Variants in VPS29 observed in about 807,000 individuals in gnomAD.
VPS29 encodes VPS29 retromer complex component.
In VPS29, 2 loss-of-function variants were observed where a neutral mutation model predicts 20.0. That is an observed-to-expected ratio of 0.10 (90% CI 0.04 to 0.31). The LOEUF is 0.31. VPS29 is among the 10% of genes least tolerant of loss of function. The pLI is 1.00. For synonymous variants in VPS29, 81 were observed against 79.3 expected (o/e 1.02, Z -0.12); for missense variants, 120 against 215.3 (o/e 0.56, Z 2.77).
chr12:110,498,976 A>C, intron 1 of VPS29: 1 of 319,784 alleles, frequency 3.1e-6, no homozygotes, highest in Non-Finnish European at 4.5e-6. Context: ...CCACCACCCC[A>C]AACTCATAAA....
At chr12:110,494,674 G>A (rs1565859982) in intron 2 of VPS29, among the ~76,000 whole-genome samples, 2 of 152,096 alleles carry the variant, frequency 1.3e-5, no homozygotes, top group Non-Finnish European at 2.9e-5. Flanking sequence ...GAAAGGGGAA[G>A]TGATCTGCCA....
chr12:110,500,549 T>C (rs1180572992), intron 1 of VPS29, among the ~76,000 whole-genome samples: 2 of 152,218 alleles, frequency 1.3e-5, no homozygotes, highest in Non-Finnish European at 2.9e-5. Flanking sequence ...CATAAATCTC[T>C]GGCTGCCATG....
At position 110,496,149 on chromosome 12, in the gene VPS29, C is replaced by T; in HGVS notation, c.58G>A (p.Ala20Thr). Residue 20 changes from alanine to threonine, a missense_variant, in exon 2 of 4, where the codon GCT (alanine) becomes ACT (threonine). Physicochemically the swap from Ala to Thr is moderately conservative, Grantham distance 58. Transcript: ENST00000549578. Reference sequence around the variant, plus strand: ...GGCACCAGGAGTTTTTTGAATTTAGCTGGCAAACTGTTGCACCGGTGTGGG... The same window carrying T: ...GGCACCAGGAGTTTTTTGAATTTAGTTGGCAAACTGTTGCACCGGTGTGGG... ...HIPHRCNSLP[A>T]KFKKLLVPGK... is the part of the protein sequence containing the mutation. 6.2e-7 allele frequency: 1 copy of T among 1,614,020 alleles called. No individual in the cohort carries two copies. The highest frequency in any genetic ancestry group is 8.5e-7 in the Non-Finnish European group (1 of 1,179,924).
intron 2 of VPS29, among the ~76,000 whole-genome samples, 155 bp from the exon 3 acceptor site, chr12:110,493,386 G>T (rs868316486): frequency 1.5e-4 from 23 of 149,064 alleles, no homozygotes; most frequent in Middle Eastern, 3.4e-3. Flanking sequence ...TTGAGACAGA[G>T]TGTTGCTATG....
chr12:110,501,390 A>G, intron 1 of VPS29: 2 of 1,535,206 alleles, frequency 1.3e-6, no homozygotes, highest in Non-Finnish European at 1.7e-6. Flanking sequence ...AGTTTCAATG[A>G]GTTCACACAT....
chr12:110,498,922 A>G, intron 1 of VPS29: 1 of 727,244 alleles, frequency 1.4e-6, no homozygotes, highest in Non-Finnish European at 1.7e-6. Context: ...GGTAAAAATA[A>G]TAGATTTCTA....
rs987290726 is a variant in VPS29, at chr12:110,495,899, A to AG, written c.195+112dup. On this transcript the variant is annotated intron_variant, in intron 2 of 3. Transcript: ENST00000549578. ...GTAATTTTACATTTGGAAAAGAAAAAGGGAAAAAAAAAAAAACCTTACCAG... is the reference window on the plus strand; with the variant it reads ...GTAATTTTACATTTGGAAAAGAAAAAGGGGAAAAAAAAAAAAACCTTACCAG... 37 of 987,192 alleles carry AG rather than the reference A, an allele frequency of 3.7e-5. No homozygotes were observed. In the African/African-American group the frequency reaches 4.1e-4, roughly 11 times the overall value. The allele number at this position is 987,192 out of a possible 1,614,324, so 61.2% of individuals were successfully genotyped here. A position where few individuals can be genotyped will look rare whatever the true frequency, so the allele number is the denominator to read the frequency against.
At position 110,496,132 on chromosome 12, in the gene VPS29, G is replaced by A. The variant is rs1213617359; in HGVS notation, c.75C>T (p.Leu25=). The A allele has an allele frequency of 1.9e-6, 3 of 1,613,916 alleles. No homozygotes were observed. The Admixed American group carries it at 5.0e-5, about 27-fold the overall frequency. Residue 25 remains leucine (L), a synonymous_variant, in exon 2 of 4, where the codon CTC becomes CTT. Transcript: ENST00000549578. The part of the protein sequence containing the change: ...CNSLPAKFKK[L]LVPGKIQHIL... Reference sequence around the variant, plus strand: ...TGTGCTGAATTTTTCCTGGCACCAGGAGTTTTTTGAATTTAGCTGGCAAAC... The same window carrying A: ...TGTGCTGAATTTTTCCTGGCACCAGAAGTTTTTTGAATTTAGCTGGCAAAC...
chr12:110,497,207 C>CTTTTTTTT (rs71083128), intron 1 of VPS29, among the ~76,000 whole-genome samples: 11 of 77,214 alleles, frequency 1.4e-4, no homozygotes, highest in East Asian at 4.3e-4. Flanking sequence ...AAATTTCTTT[C>CTTTTTTTT]TTTTTTTTTT....
chr12:110,501,540 G>T, intron 1 of VPS29: 1 of 1,535,432 alleles, frequency 6.5e-7, no homozygotes, highest in Non-Finnish European at 8.7e-7. Context: ...GGAGCGAGGA[G>T]GGTGGTTTAT....
intron 1 of VPS29, among the ~76,000 whole-genome samples, chr12:110,499,742 AAAC>A (rs925646142): frequency 5.3e-5 from 8 of 152,240 alleles, no homozygotes; most frequent in South Asian, 2.1e-4. Flanking sequence ...GCTGTGCTCA[AAAC>A]AATACCAAAA....
rs753354260 is a variant in VPS29 at position 110,492,084 on chromosome 12, G to T, written c.470C>A (p.Ala157Asp). ...ATACACATAGGTGACCACTGTAGAA[G>T]CCTGGATATCCATCAACACAAATGA... ...IPSFVLMDIQ[A>D]STVVTYVYQL... Residue 157 changes from alanine to aspartate, a missense_variant, in exon 4 of 4, where the codon GCT (alanine) becomes GAT (aspartate). Ala to Asp is a moderately radical substitution (Grantham distance 126, BLOSUM62 -2). Coordinates refer to ENST00000549578, the MANE Select transcript of VPS29 (RefSeq NM_016226.5). 3.1e-5 allele frequency: 50 copies of T among 1,613,566 alleles called. No individual in the cohort carries two copies. The highest frequency in any genetic ancestry group is 4.2e-5 in the Non-Finnish European group (50 of 1,179,856).
At chr12:110,499,490 C>T (rs1251138882) in intron 1 of VPS29, 2 of 1,610,820 alleles carry the variant, frequency 1.2e-6, no homozygotes, top group Admixed American at 1.7e-5. Context: ...CAGTAAACAG[C>T]CACCCAACCA....
intron 3 of VPS29, chr12:110,492,781 C>T (rs1283048743): frequency 1.1e-5 from 5 of 451,468 alleles, no homozygotes; most frequent in East Asian, 4.1e-5. Flanking sequence ...ACCACCACAC[C>T]CAGCTAATTT....
chr12:110,494,348 G>C (rs1318205985), intron 2 of VPS29, among the ~76,000 whole-genome samples: 1 of 150,572 alleles, frequency 6.6e-6, no homozygotes, highest in Non-Finnish European at 1.5e-5. Context: ...TGCCTCCCAG[G>C]TTCACGCCAT....
chr12:110,497,563 T>G (rs2062928571), intron 1 of VPS29, among the ~76,000 whole-genome samples: 1 of 152,004 alleles, frequency 6.6e-6, no homozygotes, highest in African/African-American at 2.4e-5. Flanking sequence ...ATTTAGCCAT[T>G]TAACAGAATA....
intron 2 of VPS29, among the ~76,000 whole-genome samples, chr12:110,495,509 G>C (rs1001834873): frequency 1.3e-5 from 2 of 151,950 alleles, no homozygotes; most frequent in African/African-American, 4.8e-5. Context: ...TCACGAGTTC[G>C]AGACCAGCCT....
At chr12:110,496,519 T>TA (rs1424497087) in intron 1 of VPS29, 1 of 189,954 alleles carries the variant, frequency 5.3e-6, no homozygotes, top group East Asian at 1.3e-4. Flanking sequence ...AAAATACAGG[T>TA]AATCATTCTA....
At position 110,492,100 on chromosome 12, in the gene VPS29, A is replaced by G; in HGVS notation, c.454T>C (p.Leu152=). 1 of 1,611,320 alleles carries G rather than the reference A, an allele frequency of 6.2e-7. No homozygotes were observed. The highest frequency in any genetic ancestry group is 8.5e-7 in the Non-Finnish European group (1 of 1,177,986). Residue 152 remains leucine (L), a synonymous_variant, in exon 4 of 4, where the codon TTG becomes CTG. Coordinates refer to ENST00000549578, the MANE Select transcript of VPS29 (RefSeq NM_016226.5). ...LETNIIPSFV[L]MDIQASTVVT... ...ACTGTAGAAGCCTGGATATCCATCA[A>G]CACAAATGATGGAATAATGTTTCTA... is the stretch of plus-strand genomic sequence containing the variant.
Sources: allele counts gnomAD v4.1 joint callset (sites outside exome capture counted in the v4.1 genomes callset), GRCh38; gene constraint gnomAD v4.1.1; transcripts MANE v1.5; gene names NCBI Gene and HGNC (gene_info 2026-07-23, HGNC 2026-07-21).